Variants in CCDC28A observed in about 807,000 individuals in gnomAD.
CCDC28A encodes coiled-coil domain-containing protein 28A.
CCDC28A carries 24 observed loss-of-function variants against 22.1 expected under a neutral mutation model. The observed-to-expected ratio is 1.09, with a 90% CI of 0.79 to 1.53. The LOEUF is 1.53. Among genes scored for constraint, CCDC28A ranks in the 40% most tolerant of loss-of-function variants. The pLI, the probability that CCDC28A is intolerant of heterozygous loss-of-function variation, is 0.00. For synonymous variants in CCDC28A, 83 were observed against 74.7 expected (o/e 1.11, Z -0.57); for missense variants, 170 against 210.7 (o/e 0.81, Z 1.20).
chr6:138,787,411 G>A (rs1775109545), intron 4 of CCDC28A, among the ~76,000 whole-genome samples: 1 of 152,078 alleles, frequency 6.6e-6, no homozygotes, highest in Non-Finnish European at 1.5e-5. Flanking sequence ...CCTACCTGTA[G>A]AACTATAAGA....
chr6:138,784,801 C>A (rs1205731411), intron 3 of CCDC28A, among the ~76,000 whole-genome samples: 1 of 151,842 alleles, frequency 6.6e-6, no homozygotes, highest in Non-Finnish European at 1.5e-5. Context: ...TCAAGCGATT[C>A]TCCTGTCTCA....
Position 138,793,289 on chromosome 6 carries a change from A to AT in CCDC28A, c.*492dup, listed in dbSNP as rs1477195985. The stretch of plus-strand genomic sequence containing the variant: ...TAAATAAGTATTTGTGAGATTTGCT[A>AT]TTTTTTAATAAAGTAATTGTTTTAA... On this transcript the variant is annotated 3_prime_UTR_variant, in exon 6 of 6. Coordinates refer to ENST00000617445, the MANE Select transcript of CCDC28A (RefSeq NM_015439.3). 6.5e-6 allele frequency: 1 copy of AT among 153,756 alleles called. No individual in the cohort carries two copies. The highest frequency in any genetic ancestry group is 1.5e-5 in the Non-Finnish European group (1 of 68,874). The allele number at this position is 153,756 out of a possible 1,614,324, so 9.5% of individuals were successfully genotyped here. A position where few individuals can be genotyped will look rare whatever the true frequency, so the allele number is the denominator to read the frequency against.
chr6:138,779,884 T>A lies in CCDC28A; in HGVS notation c.221T>A (p.Ile74Asn). The A allele has an allele frequency of 6.2e-7, 1 of 1,613,914 alleles. No homozygotes were observed. The highest frequency in any genetic ancestry group is 2.2e-5 in the East Asian group (1 of 44,860). ...GEGKGAQSTP[I>N]QHSFLTDVSD... Reference sequence around the variant, plus strand: ...GGCAAAGGCGCTCAGTCAACTCCGATCCAGCACTCCTTCCTCACTGATGTC... The same window carrying A: ...GGCAAAGGCGCTCAGTCAACTCCGAACCAGCACTCCTTCCTCACTGATGTC... Residue 74 changes from isoleucine to asparagine, a missense_variant, in exon 3 of 6, where the codon ATC becomes AAC. Transcript: ENST00000617445.
chr6:138,790,740 A>G (rs1254998399), intron 5 of CCDC28A, among the ~76,000 whole-genome samples: 1 of 152,124 alleles, frequency 6.6e-6, no homozygotes, highest in African/African-American at 2.4e-5. Context: ...CTCCAAGAAT[A>G]TTTTTAAATG....
intron 5 of CCDC28A, among the ~76,000 whole-genome samples, chr6:138,790,279 T>C (rs560225043): frequency 3.3e-5 from 5 of 152,232 alleles, no homozygotes; most frequent in African/African-American, 1.2e-4. Flanking sequence ...GCCTCCTGAG[T>C]AGCTGGGATT....
At chr6:138,779,359 A>T (rs1292555855) in intron 2 of CCDC28A, among the ~76,000 whole-genome samples, 1 of 152,228 alleles carries the variant, frequency 6.6e-6, no homozygotes, top group Non-Finnish European at 1.5e-5. Context: ...CATGGTGATT[A>T]TGAATTTAAA....
At chr6:138,782,238 G>C (rs1775032675) in intron 3 of CCDC28A, among the ~76,000 whole-genome samples, 1 of 152,112 alleles carries the variant, frequency 6.6e-6, no homozygotes, top group African/African-American at 2.4e-5. Context: ...CATAATAAGT[G>C]TTGCAGATGA....
rs369433260 is a variant in CCDC28A at position 138,776,775 on chromosome 6, T to G, written c.158+497T>G. On this transcript the variant is annotated intron_variant, in intron 2 of 5. Coordinates refer to ENST00000617445, the MANE Select transcript of CCDC28A (RefSeq NM_015439.3). ...CTCAAGGGATCCTCCTGCCTCAGTC[T>G]TCTGAGGGGCTGTGACTGTGTGGTG... Among the ~76,000 whole-genome samples the G allele has an allele frequency of 2.1e-4, 32 of 152,232 alleles. No individual in the cohort carries two copies. In the East Asian group the frequency reaches 2.3e-3, roughly 11 times the overall value.
intron 1 of CCDC28A, among the ~76,000 whole-genome samples, chr6:138,775,492 C>T (rs1395874967): frequency 6.6e-6 from 1 of 152,200 alleles, no homozygotes. Context: ...TCACTTATCA[C>T]CAAGCTAGAA....
intron 5 of CCDC28A, among the ~76,000 whole-genome samples, chr6:138,790,529 G>T (rs1183334518): frequency 6.6e-6 from 1 of 152,110 alleles, no homozygotes; most frequent in Non-Finnish European, 1.5e-5. Flanking sequence ...AACCTGTGGT[G>T]GAATTTACCC....
rs146147764 is a variant in CCDC28A at position 138,789,986 on chromosome 6, TTG to T, written c.500+1599_500+1600del. 6.0e-3 allele frequency among the ~76,000 whole-genome samples: 911 copies of T among 152,298 alleles called. 5 individuals are homozygous for T. The highest frequency in any genetic ancestry group is 0.021 in the African/African-American group (880 of 41,554). On this transcript the variant is annotated intron_variant, in intron 5 of 5. Coordinates refer to ENST00000617445, the MANE Select transcript of CCDC28A (RefSeq NM_015439.3). The stretch of plus-strand genomic sequence containing the variant: ...AGAAAATAAGGTGCTACATAAACTG[TTG>T]GGAGAGATTAAGATATTATTGTCAA...
chr6:138,774,298 C>A (rs1012272893), intron 1 of CCDC28A, among the ~76,000 whole-genome samples: 3 of 151,578 alleles, frequency 2.0e-5, no homozygotes, highest in African/African-American at 7.3e-5. Context: ...ATTTTTTTTT[C>A]TTGTACCACC....
intron 4 of CCDC28A, among the ~76,000 whole-genome samples, chr6:138,787,330 G>A (rs1216526442): frequency 1.3e-5 from 2 of 152,086 alleles, no homozygotes; most frequent in Non-Finnish European, 2.9e-5. Context: ...AAGCCCTCCT[G>A]TTTCATGAAC....
At chr6:138,777,450 A>G (rs905866294) in intron 2 of CCDC28A, among the ~76,000 whole-genome samples, 1 of 152,250 alleles carries the variant, frequency 6.6e-6, no homozygotes, top group Non-Finnish European at 1.5e-5. Context: ...TGGTGGAAAA[A>G]GAAAACGAAG....
chr6:138,774,761 A>G (rs1157095945), intron 1 of CCDC28A, among the ~76,000 whole-genome samples: 2 of 152,244 alleles, frequency 1.3e-5, no homozygotes, highest in Admixed American at 1.3e-4. Flanking sequence ...ATCTTTTTGA[A>G]TGGTCATGGC....
chr6:138,786,540 T>A (rs1775095506), intron 4 of CCDC28A, among the ~76,000 whole-genome samples: 1 of 152,234 alleles, frequency 6.6e-6, no homozygotes, highest in Non-Finnish European at 1.5e-5. Flanking sequence ...ATGCCAATAC[T>A]TTCACTATTT....
In CCDC28A at chr6:138,779,949, T is replaced by C. The variant is rs1774992448; in HGVS notation, c.286T>C (p.Leu96=). Residue 96 remains leucine (L), a synonymous_variant, in exon 3 of 6, where the codon TTG becomes CTG. Transcript: ENST00000617445. ...GATGGAGAGAGGGCTGCTCAGTCTT[T>C]TGAATGATTTCCACTCTGGAAAACT... ...QEMERGLLSL[L]NDFHSGKLQA... 6.2e-7 allele frequency: 1 copy of C among 1,612,746 alleles called. No individual in the cohort carries two copies. Among genetic ancestry groups the C allele is most frequent in the African/African-American group, 1.3e-5 (1 of 74,956 alleles).
rs576241297 is a variant in CCDC28A, at chr6:138,785,242, T to C, written c.338T>C (p.Ile113Thr). Residue 113 changes from isoleucine (I) to threonine (T), a missense_variant, in exon 4 of 6, where the codon ATT becomes ACT. By Grantham distance (89) the Ile-to-Thr change is moderately conservative. Transcript: ENST00000617445. ...TGTTCCCAAGGAAATGAATGTTCCATTGAACAGATGGAACATGTTCGGGGA... is the reference window on the plus strand; with the variant it reads ...TGTTCCCAAGGAAATGAATGTTCCACTGAACAGATGGAACATGTTCGGGGA... ...KLQAFGNECSIEQMEHVRGMQ... is the reference protein window; with the variant it reads ...KLQAFGNECSTEQMEHVRGMQ... The C allele has an allele frequency of 7.0e-5, 113 of 1,613,360 alleles. No individual in the cohort carries two copies. The highest frequency in any genetic ancestry group is 9.3e-5 in the Non-Finnish European group (110 of 1,179,422).
At chr6:138,787,271 G>A (rs764231494) in intron 4 of CCDC28A, among the ~76,000 whole-genome samples, 1 of 152,078 alleles carries the variant, frequency 6.6e-6, no homozygotes, top group Admixed American at 6.6e-5. Flanking sequence ...TATAAAAGAG[G>A]CCCAAGAGAA....
Sources: gnomAD v4.1 joint callset for allele counts (sites outside exome capture counted in the v4.1 genomes callset) on GRCh38, gnomAD v4.1.1 for gene constraint, MANE v1.5 for transcripts, NCBI Gene and HGNC (gene_info 2026-07-23, HGNC 2026-07-21) for gene names.